The following FAM120C variants were observed in gnomAD, a reference collection of about 807,000 sequenced individuals.
The protein encoded by FAM120C is constitutive coactivator of PPAR-gamma-like protein 2.
FAM120C carries 14 observed loss-of-function variants against 71.2 expected under a neutral mutation model. The ratio of observed to expected loss-of-function variants is 0.20; its 90% confidence interval spans 0.13 to 0.31. The LOEUF is 0.31. FAM120C is among the 10% of genes least tolerant of loss of function. FAM120C has a pLI of 1.00. For synonymous variants in FAM120C, 354 were observed against 353.2 expected, an observed-to-expected ratio of 1.00 and a Z score of -0.03; for missense variants, 500 against 879.0, an observed-to-expected ratio of 0.57 and a Z score of 5.45.
intron 15 of FAM120C, among the ~76,000 whole-genome samples, chrX:54,075,967 G>A (rs1255320260): frequency 1.8e-5 from 2 of 109,785 alleles, no homozygotes; most frequent in African/African-American, 6.6e-5. Context: ...ACAAAAATTA[G>A]CCGGGTGTGG....
intron 14 of FAM120C, 131 bp downstream of exon 14, chrX:54,081,191 A>G: frequency 1.5e-6 from 1 of 645,568 alleles, no homozygotes; most frequent in East Asian, 3.9e-5. Context: ...GAAAGAAAGA[A>G]AAAAAGAAAA....
At chrX:54,147,073 T>C (rs782443105) in intron 4 of FAM120C, among the ~76,000 whole-genome samples, 32 of 108,914 alleles carry the variant, frequency 2.9e-4, no homozygotes, top group African/African-American at 1.0e-3. Flanking sequence ...CCTAGCACTT[T>C]GGGAGGCCGA....
chrX:54,118,713 T>C (rs1311362661), intron 9 of FAM120C, among the ~76,000 whole-genome samples: 2 of 90,854 alleles, frequency 2.2e-5, no homozygotes, highest in African/African-American at 8.1e-5. Context: ...TTTTTTTTTT[T>C]TTTTTTTTTT....
At chrX:54,161,579 T>C (rs1252526506) in intron 1 of FAM120C, among the ~76,000 whole-genome samples, 2 of 112,440 alleles carry the variant, frequency 1.8e-5, no homozygotes, top group Non-Finnish European at 3.8e-5. Context: ...CTGGAGATCT[T>C]TTTCAAAATA....
chrX:54,074,842 C>T (rs1557120440), intron 15 of FAM120C, among the ~76,000 whole-genome samples: 1 of 112,377 alleles, frequency 8.9e-6, no homozygotes, highest in Non-Finnish European at 1.9e-5. Flanking sequence ...ATAATAACAG[C>T]TTCTGACTAC....
At chrX:54,099,682 A>C (rs1163452591) in intron 10 of FAM120C, among the ~76,000 whole-genome samples, 1 of 112,180 alleles carries the variant, frequency 8.9e-6, no homozygotes, top group Non-Finnish European at 1.9e-5. Flanking sequence ...AGGTCTAACT[A>C]TTCTTTTGCA....
intron 1 of FAM120C, among the ~76,000 whole-genome samples, chrX:54,170,641 G>A (rs2067282898): frequency 8.9e-6 from 1 of 112,084 alleles, no homozygotes. Context: ...GTGAACCTAT[G>A]ATCAAAGTTT....
chrX:54,097,977 T>C (rs782010937), intron 10 of FAM120C, among the ~76,000 whole-genome samples: 22 of 109,063 alleles, frequency 2.0e-4, no homozygotes, highest in Admixed American at 4.0e-4. Context: ...CCGCCCGCCT[T>C]GGCCTCCCAA....
At chrX:54,125,631 T>G (rs1557127875) in intron 9 of FAM120C, among the ~76,000 whole-genome samples, 1 of 113,119 alleles carries the variant, frequency 8.8e-6, no homozygotes, top group Non-Finnish European at 1.9e-5. Context: ...TGTAGCTACC[T>G]AGTAAGTCTT....
chrX:54,079,102 C>T (rs2066750948), intron 15 of FAM120C, among the ~76,000 whole-genome samples: 1 of 108,274 alleles, frequency 9.2e-6, no homozygotes, highest in South Asian at 4.0e-4. Context: ...CTACTAAAAA[C>T]ACACAAAAAA....
At chrX:54,165,202 A>G (rs191878417) in intron 1 of FAM120C, among the ~76,000 whole-genome samples, 24 of 111,401 alleles carry the variant, frequency 2.2e-4, no homozygotes, top group African/African-American at 7.8e-4. Flanking sequence ...TGCCTATTCT[A>G]CTTTCTATGA....
At position 54,159,644 on chromosome X, in the gene FAM120C, G is replaced by A. The variant is rs781798763; in HGVS notation, c.700-28C>T. On this transcript the variant is annotated intron_variant, in intron 1 of 15. Coordinates refer to ENST00000375180, the MANE Select transcript of FAM120C (RefSeq NM_017848.6). ...AGAAGGGAAGAAGAGAACGTGTCATGCCACAGAACCTGATTTGTATTGTTA... is the reference window on the plus strand; with the variant it reads ...AGAAGGGAAGAAGAGAACGTGTCATACCACAGAACCTGATTTGTATTGTTA... The A allele has an allele frequency of 4.2e-6, 5 of 1,203,211 alleles. No homozygotes were observed. In the East Asian group the frequency reaches 1.5e-4, roughly 36 times the overall value.
rs1290835251 is a variant in FAM120C at position 54,085,536 on chromosome X, G to A, written c.2839+179C>T. ...CAGGAGGCGGAGGTTGCAGTGAGCCGAGATCACACTATTGCACTCCAGCCT... is the reference window on the plus strand; with the variant it reads ...CAGGAGGCGGAGGTTGCAGTGAGCCAAGATCACACTATTGCACTCCAGCCT... On this transcript the variant is annotated intron_variant, in intron 13 of 15. Coordinates refer to ENST00000375180, the MANE Select transcript of FAM120C (RefSeq NM_017848.6). 3.7e-5 allele frequency among the ~76,000 whole-genome samples: 4 copies of A among 107,507 alleles called. No individual in the cohort carries two copies. In the Admixed American group the frequency reaches 4.0e-4, roughly 11 times the overall value. 93.4% of individuals were successfully genotyped at this position (107,507 alleles called of 115,157 possible).
chrX:54,131,644 G>A (rs2067067207), intron 9 of FAM120C, among the ~76,000 whole-genome samples: 2 of 111,776 alleles, frequency 1.8e-5, no homozygotes, highest in Admixed American at 9.4e-5. Context: ...CTCCATGTTG[G>A]TCAGGCTGGT....
chrX:54,173,576 C>T (rs1251297406), intron 1 of FAM120C, among the ~76,000 whole-genome samples: 5 of 112,574 alleles, frequency 4.4e-5, no homozygotes, highest in African/African-American at 1.6e-4. Flanking sequence ...CAATGGTTTA[C>T]TTTTAAATGG....
At chrX:54,138,679 G>T (rs1303549714) in intron 4 of FAM120C, among the ~76,000 whole-genome samples, 2 of 109,715 alleles carry the variant, frequency 1.8e-5, no homozygotes, top group African/African-American at 6.6e-5. Context: ...ACAAAAATTA[G>T]CTGGGCATGG....
chrX:54,082,374 C>T (rs1378860047), intron 13 of FAM120C, among the ~76,000 whole-genome samples: 5 of 110,483 alleles, frequency 4.5e-5, no homozygotes, highest in Non-Finnish European at 9.4e-5. Context: ...AATGTCTTAA[C>T]ATCTAGTTAT....
intron 10 of FAM120C, among the ~76,000 whole-genome samples, chrX:54,103,922 A>C (rs2066894072): frequency 9.0e-6 from 1 of 111,438 alleles, no homozygotes; most frequent in Non-Finnish European, 1.9e-5. Context: ...TTTATTCTTC[A>C]TGTATCGGGA....
intron 5 of FAM120C, among the ~76,000 whole-genome samples, chrX:54,136,143 C>T (rs964466666): frequency 2.7e-5 from 3 of 110,839 alleles, no homozygotes; most frequent in African/African-American, 6.6e-5. Context: ...GGATTACAGG[C>T]GCCTGCCACC....
Sources: gnomAD v4.1 joint callset for allele counts (sites outside exome capture counted in the v4.1 genomes callset) on GRCh38, gnomAD v4.1.1 for gene constraint, MANE v1.5 for transcripts, NCBI Gene and HGNC (gene_info 2026-07-23, HGNC 2026-07-21) for gene names.